Variants in SORCS2 observed in about 807,000 individuals in gnomAD.
The protein encoded by SORCS2 is sortilin related VPS10 domain containing receptor 2.
Under a neutral mutation model 141.6 loss-of-function variants are expected in SORCS2, and 100 were observed. The observed-to-expected ratio is 0.71, with a 90% CI of 0.60 to 0.83. The LOEUF (loss-of-function observed/expected upper bound fraction) is 0.83, where lower values mean the gene tolerates loss of function less well. Among genes scored for constraint, SORCS2 ranks in the 40% least tolerant of loss-of-function variants. SORCS2 has a pLI of 0.00. For synonymous variants in SORCS2, 789 were observed against 676.9 expected (o/e 1.17, Z -2.57); for missense variants, 1,646 against 1,560.2 (o/e 1.05, Z -0.93).
intron 14 of SORCS2, among the ~76,000 whole-genome samples, chr4:7,710,580 C>T (rs1279720294): frequency 1.3e-5 from 2 of 152,160 alleles, no homozygotes; most frequent in Non-Finnish European, 1.5e-5. Context: ...GTTTGGACAG[C>T]GATGTTGAAG....
At chr4:7,366,849 G>A (rs1025761865) in intron 1 of SORCS2, among the ~76,000 whole-genome samples, 2 of 152,212 alleles carry the variant, frequency 1.3e-5, no homozygotes, top group African/African-American at 4.8e-5. Context: ...TAGGTGCATG[G>A]CAGGTTCTCA....
chr4:7,459,054 G>A (rs1342116700), intron 2 of SORCS2, among the ~76,000 whole-genome samples: 1 of 152,016 alleles, frequency 6.6e-6, no homozygotes, highest in Non-Finnish European at 1.5e-5. Context: ...CAAAGGCCAC[G>A]TCCTCCCCGA....
intron 1 of SORCS2, among the ~76,000 whole-genome samples, chr4:7,362,537 C>G (rs943839052): frequency 1.3e-5 from 2 of 152,156 alleles, no homozygotes; most frequent in African/African-American, 4.8e-5. Context: ...GGACCAGTGC[C>G]CAGGCTACTG....
At chr4:7,604,143 C>T (rs1577827399) in intron 3 of SORCS2, among the ~76,000 whole-genome samples, 1 of 152,058 alleles carries the variant, frequency 6.6e-6, no homozygotes, top group Admixed American at 6.5e-5. Context: ...GGTCTCTGGC[C>T]ACAGGGTGGC....
intron 1 of SORCS2, among the ~76,000 whole-genome samples, chr4:7,262,396 A>G (rs984725187): frequency 7.5e-6 from 1 of 134,070 alleles, no homozygotes; most frequent in African/African-American, 3.8e-5. Flanking sequence ...CCATCCATCC[A>G]TCCATCCATC....
intron 2 of SORCS2, among the ~76,000 whole-genome samples, chr4:7,495,489 T>C (rs1434961474): frequency 6.6e-6 from 1 of 152,182 alleles, no homozygotes; most frequent in Non-Finnish European, 1.5e-5. Context: ...CAGAGCTCCT[T>C]CCACAGAGCA....
intron 26 of SORCS2, among the ~76,000 whole-genome samples, chr4:7,739,053 C>T (rs947638187): frequency 6.6e-6 from 1 of 152,176 alleles, no homozygotes; most frequent in Admixed American, 6.5e-5. Flanking sequence ...TCAGCGCCTC[C>T]CAGACACCGT....
At chr4:7,615,653 C>A (rs997959191) in intron 3 of SORCS2, among the ~76,000 whole-genome samples, 17 of 152,206 alleles carry the variant, frequency 1.1e-4, no homozygotes, top group African/African-American at 4.1e-4. Context: ...GGTAGATTTC[C>A]CCAACTGTTC....
intron 2 of SORCS2, among the ~76,000 whole-genome samples, chr4:7,446,576 C>G (rs1728015695): frequency 6.6e-6 from 1 of 152,162 alleles, no homozygotes; most frequent in Non-Finnish European, 1.5e-5. Flanking sequence ...TCGGGAGGGA[C>G]TGAGCCTGCT....
intron 1 of SORCS2, among the ~76,000 whole-genome samples, chr4:7,351,573 G>C (rs1396952964): frequency 6.6e-6 from 1 of 152,132 alleles, no homozygotes; most frequent in African/African-American, 2.4e-5. Flanking sequence ...GACTGAGTGA[G>C]CTTTTATAGG....
chr4:7,630,357 C>G (rs1198611967), intron 3 of SORCS2, among the ~76,000 whole-genome samples: 1 of 152,204 alleles, frequency 6.6e-6, no homozygotes, highest in Non-Finnish European at 1.5e-5. Context: ...ATCTTTCTTT[C>G]TGGTTGAAGA....
intron 1 of SORCS2, among the ~76,000 whole-genome samples, chr4:7,210,961 G>A (rs1417378675): frequency 6.6e-6 from 1 of 152,218 alleles, no homozygotes; most frequent in African/African-American, 2.4e-5. Flanking sequence ...TTCTGGGAGT[G>A]GAACGGTGAC....
rs920224536 is a variant in SORCS2, at chr4:7,633,781, C to T, written c.649-4547C>T. On this transcript the variant is annotated intron_variant, in intron 3 of 26. Transcript: ENST00000507866. ...TTGTTCATTCACTCATTCCTGCATGCGCTCCTTCATGTGTCCGTCAGGCGG... is the reference window on the plus strand; with the variant it reads ...TTGTTCATTCACTCATTCCTGCATGTGCTCCTTCATGTGTCCGTCAGGCGG... Among the ~76,000 whole-genome samples, 6 of 124,358 alleles carry T rather than the reference C, an allele frequency of 4.8e-5. 1 individual carries two copies. Among genetic ancestry groups the T allele is most frequent in the South Asian group, 2.9e-4 (1 of 3,500 alleles). 81.6% of individuals were successfully genotyped at this position (124,358 alleles called of 152,430 possible).
intron 2 of SORCS2, among the ~76,000 whole-genome samples, chr4:7,409,724 C>G (rs1725184392): frequency 6.6e-6 from 1 of 152,164 alleles, no homozygotes; most frequent in Non-Finnish European, 1.5e-5. Context: ...ATGTGGAAGT[C>G]CAATTTTCTT....
chr4:7,726,650 TA>T, intron 20 of SORCS2, 129 bp from the exon 21 acceptor site: 1 of 1,234,910 alleles, frequency 8.1e-7, no homozygotes, highest in Non-Finnish European at 1.1e-6. Flanking sequence ...AGGATGTCCA[TA>T]ATGGGCCCAT....
intron 1 of SORCS2, among the ~76,000 whole-genome samples, chr4:7,294,025 C>A (rs1199636957): frequency 6.6e-6 from 1 of 152,152 alleles, no homozygotes; most frequent in African/African-American, 2.4e-5. Context: ...CCTGAGACTC[C>A]CCCTGGCTCT....
At chr4:7,535,698 T>G (rs1004803965) in intron 3 of SORCS2, among the ~76,000 whole-genome samples, 28 of 152,168 alleles carry the variant, frequency 1.8e-4, no homozygotes, top group African/African-American at 6.5e-4. Context: ...AGACTTTAGG[T>G]TAGGAACTGG....
chr4:7,323,333 G>T lies in SORCS2; in HGVS notation c.481-72955G>T, dbSNP rs1022882115. Among the ~76,000 whole-genome samples, 5 of 152,336 alleles carry T rather than the reference G, an allele frequency of 3.3e-5. No individual in the cohort carries two copies. In the East Asian group the frequency reaches 9.7e-4, roughly 29 times the overall value. On this transcript the variant is annotated intron_variant, in intron 1 of 26. Coordinates refer to ENST00000507866, the MANE Select transcript of SORCS2 (RefSeq NM_020777.3). ...TGCGACCCAGAGATAAAGCAAGTTG[G>T]TTTCCCAGGAGAATCATGGCTTTCT... is the stretch of plus-strand genomic sequence containing the variant.
intron 1 of SORCS2, among the ~76,000 whole-genome samples, chr4:7,291,059 C>T (rs1266959619): frequency 6.6e-6 from 1 of 152,084 alleles, no homozygotes; most frequent in African/African-American, 2.4e-5. Flanking sequence ...AGGGAGATGG[C>T]TAAGTGGAGC....
Sources: allele counts gnomAD v4.1 joint callset (sites outside exome capture counted in the v4.1 genomes callset), GRCh38; gene constraint gnomAD v4.1.1; transcripts MANE v1.5; gene names NCBI Gene and HGNC (gene_info 2026-07-23, HGNC 2026-07-21).